Variants in DOCK5 observed in about 807,000 individuals in gnomAD.
DOCK5 encodes the protein dedicator of cytokinesis 5, also known as dedicator of cytokinesis protein 5.
In DOCK5, 142 loss-of-function variants were observed where a neutral mutation model predicts 251.8. The ratio of observed to expected loss-of-function variants is 0.56; its 90% CI spans 0.49 to 0.65. The LOEUF is 0.65. DOCK5 is among the 30% of genes least tolerant of loss of function. The pLI, the probability that DOCK5 is intolerant of heterozygous loss-of-function variation, is 0.00. For missense variants in DOCK5, 2,111 were observed against 2,312.3 expected, an observed-to-expected ratio of 0.91 and a Z score of 1.79; for synonymous variants, 842 against 835.5, an observed-to-expected ratio of 1.01 and a Z score of -0.13.
chr8:25,347,781 C>T (rs908754896), intron 26 of DOCK5, among the ~76,000 whole-genome samples: 7 of 152,178 alleles, frequency 4.6e-5, no homozygotes, highest in Non-Finnish European at 7.3e-5. Context: ...CTCAGTGCCT[C>T]AGTCTCCTAA....
chr8:25,310,642 G>C (rs1453268963), intron 13 of DOCK5, 110 bp downstream of exon 13: 38 of 1,312,018 alleles, frequency 2.9e-5, no homozygotes, highest in Non-Finnish European at 3.6e-5. Flanking sequence ...TACATTCATT[G>C]GTCCTGAGAC....
At chr8:25,341,680 G>A in intron 23 of DOCK5, 59 bp from the exon 24 acceptor site, 2 of 1,413,658 alleles carry the variant, frequency 1.4e-6, no homozygotes, top group East Asian at 2.5e-5. Context: ...GGATCAAGCA[G>A]TAAATACTGT....
chr8:25,256,638 CAAAAAAAAAA>C (rs891243325), intron 2 of DOCK5, among the ~76,000 whole-genome samples: 1 of 48,944 alleles, frequency 2.0e-5, no homozygotes, highest in East Asian at 7.6e-4. Flanking sequence ...ATCTCCATCT[CAAAAAAAAAA>C]AAAAAAAAAA....
chr8:25,380,648 T>C (rs1444995533), intron 39 of DOCK5, among the ~76,000 whole-genome samples: 10 of 152,176 alleles, frequency 6.6e-5, no homozygotes, highest in African/African-American at 2.4e-4. Context: ...TGGTGGAATA[T>C]TGAGTTTCAG....
At chr8:25,411,118 T>G in intron 51 of DOCK5, 76 bp from the exon 52 acceptor site, 3 of 1,415,092 alleles carry the variant, frequency 2.1e-6, no homozygotes, top group African/African-American at 1.5e-5. Flanking sequence ...AAGCAGAATA[T>G]GAGAAATAGG....
intron 2 of DOCK5, among the ~76,000 whole-genome samples, chr8:25,254,773 C>CAAAAAAAAA (rs745860086): frequency 0.012 from 81 of 6,566 alleles, 38 homozygotes; most frequent in Admixed American, 0.027. Context: ...GACTTTGTCT[C>CAAAAAAAAA]AAAAAAAAAC....
At chr8:25,225,465 G>A (rs191659427) in intron 1 of DOCK5, among the ~76,000 whole-genome samples, 3 of 152,256 alleles carry the variant, frequency 2.0e-5, no homozygotes, top group Admixed American at 6.5e-5. Context: ...CCAGCACTTC[G>A]GGAGGCCAAG....
At chr8:25,299,750 T>TG (rs1804712065) in intron 8 of DOCK5, among the ~76,000 whole-genome samples, 1 of 152,162 alleles carries the variant, frequency 6.6e-6, no homozygotes, top group African/African-American at 2.4e-5. Flanking sequence ...AGGAGTGTGA[T>TG]GGGCATTGTT....
Position 25,387,174 on chromosome 8 carries a change from C to T in DOCK5, c.4132-1917C>T, listed in dbSNP as rs538470406. 1.0e-3 allele frequency among the ~76,000 whole-genome samples: 150 copies of T among 145,264 alleles called. 2 individuals carry two copies. In the South Asian group the frequency reaches 0.033, roughly 32 times the overall value. On this transcript the variant is annotated intron_variant, in intron 40 of 51. Coordinates refer to ENST00000276440, the MANE Select transcript of DOCK5 (RefSeq NM_024940.8). ...AGGGGTACCACTGTTCTTCCTACTC[C>T]AAGACCAGTGACTTTTTTTTTTTTT... is the stretch of plus-strand genomic sequence containing the variant.
intron 1 of DOCK5, among the ~76,000 whole-genome samples, chr8:25,220,053 A>G (rs1802343148): frequency 6.6e-6 from 1 of 150,586 alleles, no homozygotes. Context: ...CACAGACATG[A>G]TATTTCATCT....
intron 2 of DOCK5, among the ~76,000 whole-genome samples, chr8:25,268,286 T>C (rs1057003315): frequency 6.6e-6 from 1 of 152,182 alleles, no homozygotes; most frequent in African/African-American, 2.4e-5. Flanking sequence ...GTAATTTTGT[T>C]TTATTATTTC....
chr8:25,312,212 G>GA (rs1203547735), intron 13 of DOCK5, among the ~76,000 whole-genome samples: 6 of 148,550 alleles, frequency 4.0e-5, no homozygotes, highest in East Asian at 2.0e-4. Flanking sequence ...TCTTGTTAAG[G>GA]AAAAAAAAAA....
chr8:25,308,173 C>T (rs1804996975), intron 11 of DOCK5, among the ~76,000 whole-genome samples: 1 of 152,074 alleles, frequency 6.6e-6, no homozygotes, highest in Admixed American at 6.6e-5. Flanking sequence ...CTTTGATCGC[C>T]CTTTACAAGC....
intron 2 of DOCK5, among the ~76,000 whole-genome samples, chr8:25,267,646 C>T (rs574835382): frequency 1.3e-5 from 2 of 152,264 alleles, no homozygotes; most frequent in South Asian, 4.1e-4. Flanking sequence ...GTTTCTTTTG[C>T]ACCAACCTGA....
At chr8:25,386,221 T>A (rs1801161815) in intron 40 of DOCK5, among the ~76,000 whole-genome samples, 1 of 152,166 alleles carries the variant, frequency 6.6e-6, no homozygotes, top group Non-Finnish European at 1.5e-5. Flanking sequence ...GTTGGTGAGT[T>A]ACTTGTATGG....
rs762303935 is a variant in DOCK5, at chr8:25,363,136, A to G, written c.3039A>G (p.Gln1013=). Residue 1013 remains glutamine, a synonymous_variant, in exon 29 of 52, where the codon CAA becomes CAG. Transcript: ENST00000276440. ...AKDWMVMNMT[Q]NRVFLRAINQ... is the part of the protein sequence containing the mutation. The stretch of plus-strand genomic sequence containing the variant: ...ATTGGATGGTGATGAATATGACTCA[A>G]AACAGGTGAGACAGCCCATGGCTGG... 8 of 1,613,846 alleles carry G rather than the reference A, an allele frequency of 5.0e-6. No individual in the cohort carries two copies. The South Asian group carries it at 5.5e-5, about 11-fold the overall frequency.
At chr8:25,240,603 T>C (rs962850997) in intron 1 of DOCK5, among the ~76,000 whole-genome samples, 1 of 152,252 alleles carries the variant, frequency 6.6e-6, no homozygotes, top group Non-Finnish European at 1.5e-5. Context: ...GTGTAATGTT[T>C]TGAGGTTCAT....
intron 9 of DOCK5, among the ~76,000 whole-genome samples, chr8:25,301,625 G>C (rs1804764746): frequency 6.6e-6 from 1 of 151,788 alleles, no homozygotes. Flanking sequence ...AGCACTTTGG[G>C]AGGCCAAGGA....
intron 13 of DOCK5, among the ~76,000 whole-genome samples, chr8:25,311,646 G>T (rs1045933256): frequency 6.6e-6 from 1 of 152,072 alleles, no homozygotes. Context: ...TTTAGGCCAG[G>T]CATGGTGGCT....
Sources: allele counts gnomAD v4.1 joint callset (sites outside exome capture counted in the v4.1 genomes callset), GRCh38; gene constraint gnomAD v4.1.1; transcripts MANE v1.5; gene names NCBI Gene and HGNC (gene_info 2026-07-23, HGNC 2026-07-21).